The following KCNQ1 variants were observed in gnomAD, a reference collection of about 807,000 sequenced individuals.
KCNQ1 encodes the protein potassium voltage-gated channel subfamily KQT member 1.
Under a neutral mutation model 72.4 loss-of-function variants are expected in KCNQ1, and 49 were observed. The ratio of observed to expected loss-of-function variants is 0.68; its 90% CI spans 0.54 to 0.86. KCNQ1 has a LOEUF of 0.86. Among genes scored for constraint, KCNQ1 ranks in the 40% least tolerant of loss-of-function variants. The pLI is 0.00. For synonymous variants in KCNQ1, 450 were observed against 412.6 expected, an observed-to-expected ratio of 1.09 and a Z score of -1.10; for missense variants, 790 against 945.1, an observed-to-expected ratio of 0.84 and a Z score of 2.15.
rs7112102 is a variant in KCNQ1, at chr11:2,592,739, C to T, written c.1393+3885C>T. Among the ~76,000 whole-genome samples, 4,650 of 152,278 alleles carry T rather than the reference C, an allele frequency of 0.031. 188 individuals carry two copies. The highest frequency in any genetic ancestry group is 0.087 in the African/African-American group (3,601 of 41,552). On this transcript the variant is annotated intron_variant, in intron 10 of 15. Coordinates refer to ENST00000155840, the MANE Select transcript of KCNQ1 (RefSeq NM_000218.3). The surrounding 1 kb of genome is among the most constrained non-coding windows in gnomAD (Gnocchi z 5.2). Reference sequence around the variant, plus strand: ...CCTGGGGAGCCTGACACTCACAGCCCGGCTGCTGCTGCCTTGGGCGTCCTG... The same window carrying T: ...CCTGGGGAGCCTGACACTCACAGCCTGGCTGCTGCTGCCTTGGGCGTCCTG...
In KCNQ1 at chr11:2,563,036, G is replaced by A. The variant is rs1443719570; in HGVS notation, c.478-7592G>A. On this transcript the variant is annotated intron_variant, in intron 2 of 15. Coordinates refer to ENST00000155840, the MANE Select transcript of KCNQ1 (RefSeq NM_000218.3). This position sits in a 1 kb window ranked among gnomAD's most constrained non-coding sequence, Gnocchi z 7.4. ...CAAAAAAATCTATATATTTCATCCAGAGAGACAGGATGTGAGCGCAGCTGG... is the reference window on the plus strand; with the variant it reads ...CAAAAAAATCTATATATTTCATCCAAAGAGACAGGATGTGAGCGCAGCTGG... Among the ~76,000 whole-genome samples the A allele has an allele frequency of 6.6e-6, 1 of 152,170 alleles. No homozygotes were observed. The highest frequency in any genetic ancestry group is 1.5e-5 in the Non-Finnish European group (1 of 68,038).
rs575737907 is a variant in KCNQ1 at position 2,564,102 on chromosome 11, C to A, written c.478-6526C>A. Among the ~76,000 whole-genome samples the A allele has an allele frequency of 1.3e-5, 2 of 152,346 alleles. No homozygotes were observed. Among genetic ancestry groups the A allele is most frequent in the South Asian group, 4.1e-4 (2 of 4,826 alleles). ...TTTCAGTATCAGAGAACACACATAA[C>A]GTAAAATTCACCATTTCAGCCATTT... On this transcript the variant is annotated intron_variant, in intron 2 of 15. Transcript: ENST00000155840. The surrounding 1 kb of genome is among the most constrained non-coding windows in gnomAD (Gnocchi z 4.5).
At chr11:2,631,616 A>T (rs187022077) in intron 10 of KCNQ1, 6 of 398,538 alleles carry the variant, frequency 1.5e-5, no homozygotes, top group African/African-American at 1.2e-4. Context: ...TGTATTTCTC[A>T]GGTGGGTGCT....
rs561132716 is a variant in KCNQ1, at chr11:2,506,755, C to T, written c.387-21173C>T. ...CCGGTTTTTTCTACAGTTGCGCCAGCAGCGTGCTGTCACACCACTTTTTGC... is the reference window on the plus strand; with the variant it reads ...CCGGTTTTTTCTACAGTTGCGCCAGTAGCGTGCTGTCACACCACTTTTTGC... On this transcript the variant is annotated intron_variant, in intron 1 of 15. Coordinates refer to ENST00000155840, the MANE Select transcript of KCNQ1 (RefSeq NM_000218.3). 3.3e-5 allele frequency among the ~76,000 whole-genome samples: 5 copies of T among 152,370 alleles called. No homozygotes were observed. In the South Asian group the frequency reaches 6.2e-4, roughly 19 times the overall value.
chr11:2,598,687 A>G lies in KCNQ1; in HGVS notation c.1393+9833A>G, dbSNP rs16928473. 0.014 allele frequency among the ~76,000 whole-genome samples: 2,082 copies of G among 152,098 alleles called. 33 individuals carry two copies. Among genetic ancestry groups the G allele is most frequent in the South Asian group, 0.045 (219 of 4,816 alleles). On this transcript the variant is annotated intron_variant, in intron 10 of 15. Coordinates refer to ENST00000155840, the MANE Select transcript of KCNQ1 (RefSeq NM_000218.3). The surrounding 1 kb of genome is among the most constrained non-coding windows in gnomAD (Gnocchi z 6.2). Reference sequence around the variant, plus strand: ...TCTTCCTGTACAATTATGTTTCTAAAAATTGAGTGGCAGGTTTCATGGAGT... The same window carrying G: ...TCTTCCTGTACAATTATGTTTCTAAGAATTGAGTGGCAGGTTTCATGGAGT...
In KCNQ1 at chr11:2,821,605, G is replaced by C. The variant is rs114863536; in HGVS notation, c.1795-26162G>C. ...CTTCCCCACGTGGTAATTCTGGACT[G>C]TTCACAGTGGCTTCCAAGGCCTTTG... On this transcript the variant is annotated intron_variant, in intron 15 of 15. Coordinates refer to ENST00000155840, the MANE Select transcript of KCNQ1 (RefSeq NM_000218.3). 5.5e-3 allele frequency among the ~76,000 whole-genome samples: 840 copies of C among 152,310 alleles called. 10 individuals carry two copies. Among genetic ancestry groups the C allele is most frequent in the African/African-American group, 0.019 (809 of 41,566 alleles).
chr11:2,561,678 G>A (rs1848169276), intron 2 of KCNQ1, among the ~76,000 whole-genome samples: 1 of 152,244 alleles, frequency 6.6e-6, no homozygotes, highest in Admixed American at 6.5e-5. Flanking sequence ...CTCCTGCTTA[G>A]CGATCCTTTC....
chr11:2,616,404 T>G (rs965506389), intron 10 of KCNQ1: 3 of 397,922 alleles, frequency 7.5e-6, no homozygotes, highest in African/African-American at 4.1e-5. Flanking sequence ...TTATCTCCAC[T>G]CATACATATT....
At chr11:2,838,967 CCAAA>C (rs908402086) in intron 15 of KCNQ1, among the ~76,000 whole-genome samples, 34 of 152,302 alleles carry the variant, frequency 2.2e-4, no homozygotes, top group East Asian at 7.7e-4. Flanking sequence ...CGCCTGGCCC[CCAAA>C]CAGAGGCCGA....
In KCNQ1 at chr11:2,550,267, T is replaced by C. The variant is rs929931364; in HGVS notation, c.478-20361T>C. 6.6e-6 allele frequency among the ~76,000 whole-genome samples: 1 copy of C among 152,076 alleles called. No homozygotes were observed. Among genetic ancestry groups the C allele is most frequent in the African/African-American group, 2.4e-5 (1 of 41,402 alleles). ...CTTTTCTGATCACGGGGTGAGAGGG[T>C]CTTTGCAGTTGCAGAGCCGTGGCGC... On this transcript the variant is annotated intron_variant, in intron 2 of 15. Coordinates refer to ENST00000155840, the MANE Select transcript of KCNQ1 (RefSeq NM_000218.3). The surrounding 1 kb of genome is among the most constrained non-coding windows in gnomAD (Gnocchi z 6.0).
At chr11:2,609,593 G>A in intron 10 of KCNQ1, 3 of 398,122 alleles carry the variant, frequency 7.5e-6, no homozygotes, top group South Asian at 2.6e-4. Flanking sequence ...CTTCTTTCTT[G>A]TACTACACAT....
chr11:2,645,005 G>A lies in KCNQ1; in HGVS notation c.1394-16956G>A, dbSNP rs1418734044. The stretch of plus-strand genomic sequence containing the variant: ...TGTATGCTGGTACCAGTGTTAGCAA[G>A]TCCAGGGAAACCAATTTTGGGCCTC... On this transcript the variant is annotated intron_variant, in intron 10 of 15. Coordinates refer to ENST00000155840, the MANE Select transcript of KCNQ1 (RefSeq NM_000218.3). The surrounding 1 kb of genome is among the most constrained non-coding windows in gnomAD (Gnocchi z 5.8). 2 of 398,618 alleles carry A rather than the reference G, an allele frequency of 5.0e-6. No individual in the cohort carries two copies. Among genetic ancestry groups the A allele is most frequent in the African/African-American group, 4.1e-5 (2 of 48,626 alleles). The allele number at this position is 398,618 out of a possible 1,614,324, so 24.7% of individuals were successfully genotyped here. A position where few individuals can be genotyped will look rare whatever the true frequency, so the allele number is the denominator to read the frequency against.
intron 10 of KCNQ1, chr11:2,630,235 ACTGT>A (rs1191810643): frequency 5.0e-6 from 2 of 398,086 alleles, no homozygotes; most frequent in African/African-American, 4.1e-5. Flanking sequence ...TGTACACTTA[ACTGT>A]CCTTATGTAC....
Position 2,458,674 on chromosome 11 carries a change from TGGATGGATG to T in KCNQ1, c.386+13192_386+13200del, listed in dbSNP as rs1846230792. On this transcript the variant is annotated intron_variant, in intron 1 of 15. Coordinates refer to ENST00000155840, the MANE Select transcript of KCNQ1 (RefSeq NM_000218.3). This position sits in a 1 kb window ranked among gnomAD's most constrained non-coding sequence, Gnocchi z 4.6. ...ATGGATGGATGGATGGATGGATGGATGGATGGATGGATCGATCGATCTCACCAAGCCTCG... is the reference window on the plus strand; with the variant it reads ...ATGGATGGATGGATGGATGGATGGATGATCGATCGATCTCACCAAGCCTCG... Among the ~76,000 whole-genome samples, 6 of 113,936 alleles carry T rather than the reference TGGATGGATG, an allele frequency of 5.3e-5. No individual in the cohort carries two copies. The South Asian group carries it at 1.7e-3, about 33-fold the overall frequency. The allele number at this position is 113,936 out of a possible 152,430, so 74.7% of individuals were successfully genotyped here. A position where few individuals can be genotyped will look rare whatever the true frequency, so the allele number is the denominator to read the frequency against.
At chr11:2,693,662 C>T (rs888148358) in intron 11 of KCNQ1, 3 of 398,518 alleles carry the variant, frequency 7.5e-6, no homozygotes, top group South Asian at 1.3e-4. Context: ...CTTTTAGTTC[C>T]GCAGACAGAG....
At chr11:2,640,638 T>C in intron 10 of KCNQ1, 1 of 398,328 alleles carries the variant, frequency 2.5e-6, no homozygotes, top group East Asian at 3.6e-5. Flanking sequence ...GAATGTGTAA[T>C]GATCAAGTCA....
chr11:2,523,873 T>C (rs1847444556), intron 1 of KCNQ1, among the ~76,000 whole-genome samples: 1 of 150,728 alleles, frequency 6.6e-6, no homozygotes, highest in Admixed American at 6.6e-5. Context: ...TTTGCTCATC[T>C]GAGAGTGGGG....
At position 2,766,605 on chromosome 11, in the gene KCNQ1, T is replaced by C. The variant is rs943998458; in HGVS notation, c.1515-2239T>C. ...TGTGCCCATCTTTAATTAATCACAG[T>C]CTGCCCTCTGGCCATAACTTTTCGC... On this transcript the variant is annotated intron_variant, in intron 11 of 15. Coordinates refer to ENST00000155840, the MANE Select transcript of KCNQ1 (RefSeq NM_000218.3). The surrounding 1 kb of genome is among the most constrained non-coding windows in gnomAD (Gnocchi z 4.4). Among the ~76,000 whole-genome samples, 2 of 152,156 alleles carry C rather than the reference T, an allele frequency of 1.3e-5. No homozygotes were observed. The highest frequency in any genetic ancestry group is 4.8e-5 in the African/African-American group (2 of 41,432).
In KCNQ1 at chr11:2,592,215, T is replaced by C. The variant is rs1323843895; in HGVS notation, c.1393+3361T>C. The stretch of plus-strand genomic sequence containing the variant: ...GGTGCTGTGCGGTGTTGGCCCCATT[T>C]ATAGATGGAGAAACGGAAGGCCAGG... On this transcript the variant is annotated intron_variant, in intron 10 of 15. Coordinates refer to ENST00000155840, the MANE Select transcript of KCNQ1 (RefSeq NM_000218.3). This position sits in a 1 kb window ranked among gnomAD's most constrained non-coding sequence, Gnocchi z 5.2. Among the ~76,000 whole-genome samples, 1 of 152,204 alleles carries C rather than the reference T, an allele frequency of 6.6e-6. No individual in the cohort carries two copies. Among genetic ancestry groups the C allele is most frequent in the Non-Finnish European group, 1.5e-5 (1 of 68,030 alleles).
Sources: allele counts gnomAD v4.1 joint callset (sites outside exome capture counted in the v4.1 genomes callset), GRCh38; gene constraint gnomAD v4.1.1; non-coding constraint Gnocchi (gnomAD v3.1); transcripts MANE v1.5; gene names NCBI Gene and HGNC (gene_info 2026-07-23, HGNC 2026-07-21).